ZNF365: variants seen among roughly 807,000 people sequenced by gnomAD.
The protein encoded by ZNF365 is protein ZNF365.
A neutral mutation model predicts 35.0 loss-of-function variants in ZNF365; 22 were observed. That is an observed-to-expected ratio of 0.63 (90% CI 0.45 to 0.90). The LOEUF (loss-of-function observed/expected upper bound fraction) is 0.90. Among genes scored for constraint, ZNF365 ranks in the 40% least tolerant of loss-of-function variants. The probability of loss-of-function intolerance (pLI) is 0.00; values close to 1 mark genes in which losing one functional copy is unlikely to be tolerated. For missense variants in ZNF365, 448 were observed against 500.3 expected (o/e 0.90, Z 1.00); for synonymous variants, 188 against 196.2 (o/e 0.96, Z 0.35).
At chr10:62,452,818 T>C (rs1350312498) in intron 3 of ZNF365, among the ~76,000 whole-genome samples, 2 of 152,242 alleles carry the variant, frequency 1.3e-5, no homozygotes, top group Non-Finnish European at 2.9e-5. Flanking sequence ...AGTAGACAAG[T>C]AGAAATGAAG....
chr10:62,452,274 C>T (rs747905120), intron 3 of ZNF365, among the ~76,000 whole-genome samples: 2 of 152,108 alleles, frequency 1.3e-5, no homozygotes, highest in Non-Finnish European at 2.9e-5. Flanking sequence ...TCAGCCTCTC[C>T]AGTGATGGCC....
At chr10:62,461,150 C>T (rs77555229) in intron 4 of ZNF365, among the ~76,000 whole-genome samples, 4,273 of 152,248 alleles carry the variant, frequency 0.028, 197 homozygotes, top group African/African-American at 0.098. Flanking sequence ...TAGGGCTGAT[C>T]CTCCCAGAAA....
chr10:62,391,100 T>A (rs559737179), intron 3 of ZNF365, among the ~76,000 whole-genome samples: 1 of 152,354 alleles, frequency 6.6e-6, no homozygotes, highest in East Asian at 1.9e-4. Context: ...AACCTTAGCT[T>A]ACTATAACTT....
In ZNF365 at chr10:62,471,332, T is replaced by C. The variant is rs575378979; in HGVS notation, c.982-8544T>C. On this transcript the variant is annotated intron_variant, in intron 4 of 4. Transcript: ENST00000395255. ...AGTGAGCCGAGATTGTGCCACTGCA[T>C]TCCAGCCTGGGCGACAGAGCAAGAC... 2.1e-3 allele frequency among the ~76,000 whole-genome samples: 312 copies of C among 149,386 alleles called. 2 individuals carry two copies. The highest frequency in any genetic ancestry group is 5.2e-3 in the African/African-American group (206 of 39,942).
chr10:62,395,849 G>A (rs778090734), intron 3 of ZNF365, among the ~76,000 whole-genome samples: 7 of 152,160 alleles, frequency 4.6e-5, no homozygotes, highest in Non-Finnish European at 7.3e-5. Context: ...TTGGATAAGA[G>A]TTAGTCAAAC....
downstream of ZNF365, among the ~76,000 whole-genome samples, chr10:62,402,964 A>T (rs1325942269): frequency 6.6e-6 from 1 of 152,190 alleles, no homozygotes; most frequent in Non-Finnish European, 1.5e-5. Context: ...TGTGAGAGTT[A>T]TTCAGGAGGT....
At chr10:62,412,726 C>A (rs1206380906) in intron 3 of ZNF365, among the ~76,000 whole-genome samples, 1 of 152,074 alleles carries the variant, frequency 6.6e-6, no homozygotes, top group African/African-American at 2.4e-5. Context: ...AAGTGAAGGA[C>A]CTCTTCAAGG....
chr10:62,463,058 C>G (rs1162552694), intron 4 of ZNF365, among the ~76,000 whole-genome samples: 1 of 152,202 alleles, frequency 6.6e-6, no homozygotes, highest in Non-Finnish European at 1.5e-5. Flanking sequence ...CCTGATCTAT[C>G]CTTGCCAATA....
At chr10:62,404,858 TA>T (rs1291698709), downstream of ZNF365, among the ~76,000 whole-genome samples, 2 of 152,198 alleles carry the variant, frequency 1.3e-5, no homozygotes, top group Admixed American at 6.5e-5. Flanking sequence ...TTGGAGATTT[TA>T]TTTCACTGAC....
intron 3 of ZNF365, among the ~76,000 whole-genome samples, chr10:62,432,493 A>G (rs1438768195): frequency 6.6e-6 from 1 of 152,182 alleles, no homozygotes; most frequent in Non-Finnish European, 1.5e-5. Flanking sequence ...TCCAGGAAGA[A>G]TTTCACTGAA....
chr10:62,437,053 G>A (rs1396098545), intron 3 of ZNF365, among the ~76,000 whole-genome samples: 3 of 152,154 alleles, frequency 2.0e-5, no homozygotes, highest in African/African-American at 7.2e-5. Context: ...ACATTTAAAT[G>A]TATGTATGAG....
At position 62,420,780 on chromosome 10, in the gene ZNF365, C is replaced by T. The variant is rs544442786; in HGVS notation, c.924+32204C>T. ...GAATGGTTTCTGTTTTTCTTGTTTT[C>T]AGGCTTTTTTTTTTTATTGAGTCAG... is the stretch of plus-strand genomic sequence containing the variant. On this transcript the variant is annotated intron_variant, in intron 3 of 4. Transcript: ENST00000395255. Among the ~76,000 whole-genome samples, 473 of 102,038 alleles carry T rather than the reference C, an allele frequency of 4.6e-3. 1 individual carries two copies. Among genetic ancestry groups the T allele is most frequent in the African/African-American group, 0.014 (462 of 33,214 alleles). The allele number at this position is 102,038 out of a possible 152,430, so 66.9% of individuals were successfully genotyped here.
At chr10:62,446,182 C>T (rs1003254834) in intron 3 of ZNF365, among the ~76,000 whole-genome samples, 5 of 152,132 alleles carry the variant, frequency 3.3e-5, no homozygotes, top group African/African-American at 1.2e-4. Context: ...CAGAAAAGGA[C>T]CCAGAGTTCC....
intron 2 of ZNF365, among the ~76,000 whole-genome samples, chr10:62,384,191 C>T (rs982108065): frequency 2.0e-5 from 3 of 151,248 alleles, no homozygotes; most frequent in Admixed American, 2.0e-4. Context: ...CAACACTGGT[C>T]TGCACCCACA....
chr10:62,402,909 A>G (rs1334020457), downstream of ZNF365, among the ~76,000 whole-genome samples: 2 of 152,226 alleles, frequency 1.3e-5, no homozygotes, highest in African/African-American at 4.8e-5. Context: ...TCTTTTAAGA[A>G]CCATGAAATC....
At chr10:62,469,040 G>A (rs1379570160) in intron 4 of ZNF365, among the ~76,000 whole-genome samples, 1 of 152,200 alleles carries the variant, frequency 6.6e-6, no homozygotes, top group African/African-American at 2.4e-5. Flanking sequence ...GCTACCAAGA[G>A]GTGGAAGCGA....
intron 3 of ZNF365, among the ~76,000 whole-genome samples, chr10:62,396,942 T>A (rs1839738131): frequency 2.0e-5 from 3 of 152,198 alleles, no homozygotes; most frequent in South Asian, 4.2e-4. Context: ...CCTTGTTTAT[T>A]TTTACAATTT....
intron 3 of ZNF365, among the ~76,000 whole-genome samples, chr10:62,415,458 G>A (rs914381996): frequency 1.3e-5 from 2 of 152,048 alleles, no homozygotes; most frequent in Admixed American, 1.3e-4. Flanking sequence ...AGGGTTTTCA[G>A]CTGAATGCTT....
chr10:62,453,643 A>G (rs997202899), intron 3 of ZNF365, among the ~76,000 whole-genome samples: 2 of 152,206 alleles, frequency 1.3e-5, no homozygotes, highest in African/African-American at 4.8e-5. Context: ...TCCTTTGGGT[A>G]GATACCCAGC....
Sources: allele counts gnomAD v4.1 joint callset (sites outside exome capture counted in the v4.1 genomes callset), GRCh38; gene constraint gnomAD v4.1.1; transcripts MANE v1.5; gene names NCBI Gene and HGNC (gene_info 2026-07-23, HGNC 2026-07-21).